TWIST2: variants seen among roughly 807,000 people sequenced by gnomAD.
TWIST2 encodes the protein twist family bHLH transcription factor 2, also known as twist-related protein 2.
A neutral mutation model predicts 11.6 loss-of-function variants in TWIST2; 1 was observed. The ratio of observed to expected loss-of-function variants is 0.09; its 90% CI spans 0.03 to 0.41. The LOEUF is 0.41. Ranked by LOEUF, TWIST2 falls within the 10% of genes least tolerant of loss-of-function variation. TWIST2 has a pLI of 0.98. For synonymous variants in TWIST2, 87 were observed against 96.6 expected (o/e 0.90, Z 0.58); for missense variants, 168 against 226.4 (o/e 0.74, Z 1.66).
chr2:238,894,504 C>A (rs1016118593), intron 1 of TWIST2, among the ~76,000 whole-genome samples: 1 of 152,196 alleles, frequency 6.6e-6, no homozygotes, highest in Non-Finnish European at 1.5e-5. Flanking sequence ...TTGGGGGAGC[C>A]GCCCTGCCCA....
intron 1 of TWIST2, among the ~76,000 whole-genome samples, chr2:238,907,896 A>AT (rs1553572878): frequency 1.4e-5 from 2 of 143,488 alleles, no homozygotes; most frequent in Admixed American, 6.9e-5. Context: ...AACACACTAC[A>AT]CCCCCACTTA....
At chr2:238,892,133 TGGGCTGAGCCAGGCAACCACCGGA>T (rs1693145771) in intron 1 of TWIST2, among the ~76,000 whole-genome samples, 1 of 152,134 alleles carries the variant, frequency 6.6e-6, no homozygotes, top group African/African-American at 2.4e-5. Context: ...TGACTGTACA[TGGGCTGAGCCAGGCAACCACCGGA>T]AGGGTGAGTC....
intron 1 of TWIST2, among the ~76,000 whole-genome samples, chr2:238,891,791 G>A (rs1693138601): frequency 1.3e-5 from 2 of 152,268 alleles, no homozygotes; most frequent in African/African-American, 2.4e-5. Context: ...TATTCTCCGT[G>A]TCTCCGCTGC....
intron 1 of TWIST2, among the ~76,000 whole-genome samples, chr2:238,852,226 A>T (rs1692254687): frequency 6.6e-6 from 1 of 151,998 alleles, no homozygotes; most frequent in Admixed American, 6.6e-5. Context: ...TCTGGGCTTT[A>T]AAAAAAACAA....
rs898913482 is a variant in TWIST2 at position 238,898,572 on chromosome 2, C to T, written c.*36-11270C>T. Among the ~76,000 whole-genome samples, 922 of 152,348 alleles carry T rather than the reference C, an allele frequency of 6.1e-3. 7 individuals carry two copies. The highest frequency in any genetic ancestry group is 0.021 in the African/African-American group (882 of 41,588). ...CGCCAGCCGCTCCTGAGACACAGCT[C>T]AGGGTGGGCGCAATGTGGGCGAGAG... On this transcript the variant is annotated intron_variant, in intron 1 of 1. Coordinates refer to ENST00000612363, the MANE Select transcript of TWIST2 (RefSeq NM_001271893.4).
At position 238,866,180 on chromosome 2, in the gene TWIST2, G is replaced by A. The variant is rs558914385; in HGVS notation, c.*35+17447G>A. Among the ~76,000 whole-genome samples the A allele has an allele frequency of 1.3e-5, 2 of 152,190 alleles. No homozygotes were observed. Among genetic ancestry groups the A allele is most frequent in the South Asian group, 4.1e-4 (2 of 4,830 alleles). On this transcript the variant is annotated intron_variant, in intron 1 of 1. Transcript: ENST00000612363. The surrounding 1 kb of genome is among the most constrained non-coding windows in gnomAD (Gnocchi z 4.9). ...GCCAGGCCTGCCAGGCACCGCCCAG[G>A]TTCCCCATGGCACGGGCCCTGCCTG... is the stretch of plus-strand genomic sequence containing the variant.
chr2:238,903,456 G>A (rs1693304077), intron 1 of TWIST2, among the ~76,000 whole-genome samples: 1 of 139,876 alleles, frequency 7.1e-6, no homozygotes, highest in African/African-American at 2.7e-5. Flanking sequence ...TGGGTCTAAT[G>A]TGAGGTGTGT....
intron 1 of TWIST2, among the ~76,000 whole-genome samples, chr2:238,890,335 G>A (rs574426533): frequency 5.9e-4 from 90 of 152,330 alleles, no homozygotes; most frequent in African/African-American, 1.9e-3. Context: ...CGGCCTGCGC[G>A]GGGCAGGCAC....
intron 1 of TWIST2, among the ~76,000 whole-genome samples, chr2:238,880,836 A>G (rs1312847726): frequency 8.3e-6 from 1 of 120,932 alleles, no homozygotes; most frequent in Non-Finnish European, 1.7e-5. Context: ...TATTGGTATT[A>G]GTGTTAGTAC....
At chr2:238,868,331 C>T (rs190511565) in intron 1 of TWIST2, among the ~76,000 whole-genome samples, 2 of 152,234 alleles carry the variant, frequency 1.3e-5, no homozygotes, top group East Asian at 3.8e-4. Context: ...CCCCCGCCCC[C>T]CAGCCTGCTC....
chr2:238,868,204 A>AG (rs1223927692), intron 1 of TWIST2, among the ~76,000 whole-genome samples: 2 of 152,084 alleles, frequency 1.3e-5, no homozygotes, highest in African/African-American at 2.4e-5. Context: ...CGTGGCTCCC[A>AG]GGGGCTCTGC....
At chr2:238,904,956 T>G (rs1693322855) in intron 1 of TWIST2, among the ~76,000 whole-genome samples, 1 of 146,740 alleles carries the variant, frequency 6.8e-6, no homozygotes, top group African/African-American at 2.5e-5. Flanking sequence ...AAGAAATGGA[T>G]GGATGGAAGG....
Position 238,866,547 on chromosome 2 carries a change from C to T in TWIST2, c.*35+17814C>T, listed in dbSNP as rs1692537576. ...TGGTGTGTGCCTGTAATCCCAGCTA[C>T]CTGGGAGGCTGTGGCAGGAGAATTG... On this transcript the variant is annotated intron_variant, in intron 1 of 1. Transcript: ENST00000612363. This position sits in a 1 kb window ranked among gnomAD's most constrained non-coding sequence, Gnocchi z 4.9. Among the ~76,000 whole-genome samples, 1 of 152,174 alleles carries T rather than the reference C, an allele frequency of 6.6e-6. No homozygotes were observed. The highest frequency in any genetic ancestry group is 1.5e-5 in the Non-Finnish European group (1 of 68,026).
intron 1 of TWIST2, among the ~76,000 whole-genome samples, chr2:238,908,093 C>CCA (rs1323816509): frequency 6.7e-6 from 1 of 149,096 alleles, no homozygotes; most frequent in Non-Finnish European, 1.5e-5. Context: ...TACAAACATA[C>CCA]CACACACACA....
chr2:238,895,869 G>A (rs1322266419), intron 1 of TWIST2, among the ~76,000 whole-genome samples: 1 of 152,146 alleles, frequency 6.6e-6, no homozygotes, highest in Admixed American at 6.5e-5. Context: ...AGACAAGCTC[G>A]CCCTCTCCCC....
At position 238,896,584 on chromosome 2, in the gene TWIST2, C is replaced by T. The variant is rs909788563; in HGVS notation, c.*36-13258C>T. ...CCACATGTCTCAAAAATTCCCGAGG[C>T]CCTGTAAGAGCTCAGAGCAGGCAGC... On this transcript the variant is annotated intron_variant, in intron 1 of 1. Transcript: ENST00000612363. 2.4e-3 allele frequency among the ~76,000 whole-genome samples: 372 copies of T among 152,314 alleles called. 3 individuals are homozygous for T. The highest frequency in any genetic ancestry group is 8.3e-3 in the African/African-American group (345 of 41,568).
intron 1 of TWIST2, among the ~76,000 whole-genome samples, chr2:238,870,252 CCACACACAAG>C (rs1559273711): frequency 9.0e-4 from 3 of 3,318 alleles, no homozygotes; most frequent in East Asian, 3.2e-3. Flanking sequence ...ACCACACACC[CCACACACAAG>C]CCACACACCC....
At chr2:238,895,853 C>T (rs1262029376) in intron 1 of TWIST2, among the ~76,000 whole-genome samples, 2 of 152,146 alleles carry the variant, frequency 1.3e-5, no homozygotes, top group African/African-American at 2.4e-5. Flanking sequence ...CGGCCTGGTC[C>T]GCTGCAGACA....
chr2:238,868,321 C>A (rs1386666370), intron 1 of TWIST2, among the ~76,000 whole-genome samples: 1 of 152,334 alleles, frequency 6.6e-6, no homozygotes, highest in African/African-American at 2.4e-5. Context: ...TGCCGGGAGC[C>A]CCCCGCCCCC....
Sources: allele counts gnomAD v4.1 joint callset (sites outside exome capture counted in the v4.1 genomes callset), GRCh38; gene constraint gnomAD v4.1.1; non-coding constraint Gnocchi (gnomAD v3.1); transcripts MANE v1.5; gene names NCBI Gene and HGNC (gene_info 2026-07-23, HGNC 2026-07-21).